Variants in NKD1 observed in about 807,000 individuals in gnomAD.
NKD1 encodes the protein NKD inhibitor of Wnt signaling pathway 1.
NKD1 carries 21 observed loss-of-function variants against 56.0 expected under a neutral mutation model. The ratio of observed to expected loss-of-function variants is 0.38; its 90% CI spans 0.27 to 0.54. NKD1 has a LOEUF of 0.54. Ranked by LOEUF, NKD1 falls within the 20% of genes least tolerant of loss-of-function variation. NKD1 has a pLI of 0.82. For synonymous variants in NKD1, 263 were observed against 265.7 expected (o/e 0.99, Z 0.10); for missense variants, 578 against 642.7 (o/e 0.90, Z 1.09).
intron 4 of NKD1, among the ~76,000 whole-genome samples, chr16:50,614,422 C>T (rs529569751): frequency 3.9e-5 from 6 of 152,172 alleles, no homozygotes; most frequent in Admixed American, 2.6e-4. Flanking sequence ...ATGTCTCGCT[C>T]GCTGCCCCTC....
At chr16:50,549,153 C>T (rs1243423739) in intron 2 of NKD1, among the ~76,000 whole-genome samples, 1 of 151,128 alleles carries the variant, frequency 6.6e-6, no homozygotes, top group African/African-American at 2.4e-5. Context: ...GTCCTGGCTG[C>T]CAGTGCTCCC....
chr16:50,562,761 G>T (rs569157800), intron 3 of NKD1, among the ~76,000 whole-genome samples: 1 of 152,066 alleles, frequency 6.6e-6, no homozygotes, highest in African/African-American at 2.4e-5. Context: ...GAGGGATGAG[G>T]GGGGAGGAGG....
chr16:50,632,719 G>C lies in NKD1; in HGVS notation c.823+311G>C, dbSNP rs1962374063. Among the ~76,000 whole-genome samples, 1 of 151,976 alleles carries C rather than the reference G, an allele frequency of 6.6e-6. No homozygotes were observed. ...GCAACCACTTTGACCTCTCCTGGCT[G>C]TTTCTTCCAGCAAGAACCTCGGTTT... On this transcript the variant is annotated intron_variant, in intron 9 of 9. Transcript: ENST00000268459. This position sits in a 1 kb window ranked among gnomAD's most constrained non-coding sequence, Gnocchi z 4.1.
intron 3 of NKD1, among the ~76,000 whole-genome samples, chr16:50,551,611 A>G (rs536864308): frequency 2.2e-4 from 34 of 152,252 alleles, no homozygotes; most frequent in African/African-American, 7.5e-4. Context: ...AGAGGTAGGG[A>G]TAAGGAGTCA....
At chr16:50,585,131 CAGTCCCTGGAGA>C (rs1372334442) in intron 3 of NKD1, among the ~76,000 whole-genome samples, 1 of 152,158 alleles carries the variant, frequency 6.6e-6, no homozygotes, top group Non-Finnish European at 1.5e-5. Context: ...GATTTCCTTC[CAGTCCCTGGAGA>C]AGGTCACAAA....
At chr16:50,616,285 G>A (rs914727657) in intron 4 of NKD1, among the ~76,000 whole-genome samples, 2 of 152,218 alleles carry the variant, frequency 1.3e-5, no homozygotes, top group African/African-American at 4.8e-5. Flanking sequence ...TGAATTGTTA[G>A]TAATTTCTGG....
chr16:50,565,861 C>G (rs1234670357), intron 3 of NKD1, among the ~76,000 whole-genome samples: 1 of 152,204 alleles, frequency 6.6e-6, no homozygotes, highest in Non-Finnish European at 1.5e-5. Flanking sequence ...TCATGGCTAT[C>G]AAGCCTTCTG....
In NKD1 at chr16:50,619,358, C is replaced by T. The variant is rs140935326; in HGVS notation, c.260-2244C>T. The stretch of plus-strand genomic sequence containing the variant: ...TGGCAAAGCCAGCATTTGTTGAGCA[C>T]TTACTGCGTGCCGGCCACTGTGCTC... On this transcript the variant is annotated intron_variant, in intron 4 of 9. Transcript: ENST00000268459. Among the ~76,000 whole-genome samples, 20 of 152,208 alleles carry T rather than the reference C, an allele frequency of 1.3e-4. No homozygotes were observed. The East Asian group carries it at 2.3e-3, about 18-fold the overall frequency.
rs1211938153 is a variant in NKD1, at chr16:50,589,683, CTTTCT to C, written c.193-18600_193-18596del. Among the ~76,000 whole-genome samples the C allele has an allele frequency of 3.1e-3, 462 of 148,826 alleles. 4 individuals carry two copies. The highest frequency in any genetic ancestry group is 0.018 in the East Asian group (82 of 4,540). On this transcript the variant is annotated intron_variant, in intron 3 of 9. Coordinates refer to ENST00000268459, the MANE Select transcript of NKD1 (RefSeq NM_033119.5). ...TCATGTTGGAGGCCTTTGCTGAATG[CTTTCT>C]TTTCTTTTCTCTTCTCTTCTCTTCT...
chr16:50,548,778 G>T (rs1359377384), intron 2 of NKD1, 29 bp downstream of exon 2: 7 of 1,381,576 alleles, frequency 5.1e-6, no homozygotes, highest in Admixed American at 3.9e-5. Context: ...CAGACCTCGG[G>T]GATGGACGCG....
At chr16:50,565,433 C>G (rs1460553948) in intron 3 of NKD1, among the ~76,000 whole-genome samples, 1 of 151,842 alleles carries the variant, frequency 6.6e-6, no homozygotes, top group Non-Finnish European at 1.5e-5. Context: ...AATCACAGCA[C>G]TTTGGGAGGC....
At position 50,623,859 on chromosome 16, in the gene NKD1, TG is replaced by T. The variant is rs1962150154; in HGVS notation, c.367-1625del. Among the ~76,000 whole-genome samples the T allele has an allele frequency of 1.3e-5, 2 of 151,678 alleles. No individual in the cohort carries two copies. The highest frequency in any genetic ancestry group is 1.5e-5 in the Non-Finnish European group (1 of 67,888). ...ACGTGTGTAGGGGTATGCGTGTGTG[TG>T]TGTGTGTAGGGGTATGTATGTAGGC... On this transcript the variant is annotated intron_variant, in intron 5 of 9. Transcript: ENST00000268459. The surrounding 1 kb of genome is among the most constrained non-coding windows in gnomAD (Gnocchi z 4.1).
chr16:50,618,925 C>T (rs1962025409), intron 4 of NKD1, among the ~76,000 whole-genome samples: 1 of 152,136 alleles, frequency 6.6e-6, no homozygotes, highest in African/African-American at 2.4e-5. Context: ...AAGGGGAGGT[C>T]CTGAGGGAAG....
At chr16:50,573,181 C>A (rs1209748727) in intron 3 of NKD1, among the ~76,000 whole-genome samples, 1 of 152,168 alleles carries the variant, frequency 6.6e-6, no homozygotes, top group African/African-American at 2.4e-5. Flanking sequence ...AAGTCTTTTC[C>A]CCGCCATGGG....
intron 3 of NKD1, chr16:50,551,923 C>G (rs951462607): frequency 1.3e-5 from 2 of 152,148 alleles, no homozygotes; most frequent in Non-Finnish European, 2.9e-5. Flanking sequence ...TTGAACAGGA[C>G]AGCAATGGGC....
intron 3 of NKD1, among the ~76,000 whole-genome samples, chr16:50,593,008 C>T (rs1288447455): frequency 1.3e-5 from 2 of 152,154 alleles, no homozygotes; most frequent in Non-Finnish European, 2.9e-5. Context: ...CTATGTTTAT[C>T]TCACAAATAG....
chr16:50,643,255 G>A lies in NKD1; in HGVS notation c.*9474G>A, dbSNP rs1962615684. The A allele has an allele frequency of 2.0e-5, 3 of 152,228 alleles. No homozygotes were observed. The South Asian group carries it at 6.2e-4, about 32-fold the overall frequency. The allele number at this position is 152,228 out of a possible 1,614,324, so 9.4% of individuals were successfully genotyped here. A position where few individuals can be genotyped will look rare whatever the true frequency, so the allele number is the denominator to read the frequency against. On this transcript the variant is annotated 3_prime_UTR_variant, in exon 10 of 10. Transcript: ENST00000268459. ...ACTAGTGTCCTCAAAACAGCCTTGA[G>A]AGGAAACCAACGAGGAAACAGAGTT... is the stretch of plus-strand genomic sequence containing the variant.
chr16:50,630,141 C>T (rs1210769444), intron 6 of NKD1, 45 bp from the exon 7 acceptor site: 3 of 1,595,948 alleles, frequency 1.9e-6, no homozygotes, highest in Non-Finnish European at 2.6e-6. Flanking sequence ...TTTCAAGGCC[C>T]TGTGACTGAA....
chr16:50,611,487 C>T (rs1167447227), intron 4 of NKD1, among the ~76,000 whole-genome samples: 1 of 152,232 alleles, frequency 6.6e-6, no homozygotes, highest in Non-Finnish European at 1.5e-5. Flanking sequence ...TGCCCTCTCC[C>T]CACTGGCCTG....
Sources: gnomAD v4.1 joint callset for allele counts (sites outside exome capture counted in the v4.1 genomes callset) on GRCh38, gnomAD v4.1.1 for gene constraint, Gnocchi (gnomAD v3.1) non-coding constraint, MANE v1.5 for transcripts, NCBI Gene and HGNC (gene_info 2026-07-23, HGNC 2026-07-21) for gene names.